The following CREB5 variants were observed in gnomAD, a reference collection of about 807,000 sequenced individuals.
CREB5 encodes the protein cyclic AMP-responsive element-binding protein 5.
Under a neutral mutation model 57.1 loss-of-function variants are expected in CREB5, and 19 were observed. That is an observed-to-expected ratio of 0.33 (90% CI 0.23 to 0.49). CREB5 has a LOEUF of 0.49. Among genes scored for constraint, CREB5 ranks in the 20% least tolerant of loss-of-function variants. The pLI, the probability that CREB5 is intolerant of heterozygous loss-of-function variation, is 0.99. For missense variants in CREB5, 579 were observed against 671.6 expected (o/e 0.86, Z 1.52); for synonymous variants, 238 against 238.3 (o/e 1.00, Z 0.01).
chr7:28,646,595 C>T (rs1617611), intron 5 of CREB5, among the ~76,000 whole-genome samples: 4,177 of 152,120 alleles, frequency 0.027, 92 homozygotes, highest in Non-Finnish European at 0.039. Flanking sequence ...GAGATAGTGC[C>T]GGTTACCATG....
At chr7:28,756,910 T>G (rs780860330) in intron 7 of CREB5, among the ~76,000 whole-genome samples, 92 of 152,144 alleles carry the variant, frequency 6.0e-4, no homozygotes, top group Non-Finnish European at 1.2e-3. Flanking sequence ...TGGTTACAAT[T>G]TGTTGGATGA....
chr7:28,644,967 A>C (rs1798834472), intron 5 of CREB5, among the ~76,000 whole-genome samples: 1 of 152,136 alleles, frequency 6.6e-6, no homozygotes, highest in Non-Finnish European at 1.5e-5. Context: ...CACAGATGGA[A>C]ACTCTTGGCC....
At chr7:28,462,867 T>C (rs1315913829) in intron 1 of CREB5, among the ~76,000 whole-genome samples, 1 of 152,092 alleles carries the variant, frequency 6.6e-6, no homozygotes, top group Non-Finnish European at 1.5e-5. Flanking sequence ...ATTCTGTGGG[T>C]TTTCTTTTCA....
At chr7:28,636,564 A>G (rs1275600660) in intron 5 of CREB5, among the ~76,000 whole-genome samples, 1 of 152,078 alleles carries the variant, frequency 6.6e-6, no homozygotes, top group African/African-American at 2.4e-5. Context: ...TCCCTTTCCT[A>G]CACTGTAAAC....
At chr7:28,781,464 A>G (rs543036047) in intron 7 of CREB5, among the ~76,000 whole-genome samples, 1 of 152,300 alleles carries the variant, frequency 6.6e-6, no homozygotes, top group African/African-American at 2.4e-5. Context: ...TGAAATGTAA[A>G]ATTTGTGTTC....
chr7:28,478,018 A>G (rs1307277962), intron 1 of CREB5, among the ~76,000 whole-genome samples: 2 of 152,038 alleles, frequency 1.3e-5, no homozygotes, highest in Admixed American at 1.3e-4. Flanking sequence ...TGAGAGGCTG[A>G]GGTGGGAGGG....
chr7:28,405,848 A>G (rs1307559876), intron 1 of CREB5, among the ~76,000 whole-genome samples: 2 of 152,036 alleles, frequency 1.3e-5, no homozygotes, highest in African/African-American at 4.8e-5. Flanking sequence ...CACTCAAAGG[A>G]TGTGTGTGTG....
Position 28,782,497 on chromosome 7 carries a change from A to G in CREB5, c.703-21702A>G, listed in dbSNP as rs142009030. On this transcript the variant is annotated intron_variant, in intron 7 of 10. Coordinates refer to ENST00000357727, the MANE Select transcript of CREB5 (RefSeq NM_182898.4). ...AAGCTGATCTGAAAATAAAAAGAAG[A>G]AATGAAAGAAATACTAGCACATCAC... is the stretch of plus-strand genomic sequence containing the variant. Among the ~76,000 whole-genome samples, 662 of 152,354 alleles carry G rather than the reference A, an allele frequency of 4.3e-3. 4 individuals are homozygous for G. The highest frequency in any genetic ancestry group is 7.3e-3 in the East Asian group (38 of 5,194).
intron 4 of CREB5, among the ~76,000 whole-genome samples, chr7:28,523,545 T>G (rs1295700452): frequency 6.6e-6 from 1 of 152,214 alleles, no homozygotes; most frequent in African/African-American, 2.4e-5. Context: ...GCATTGGTGG[T>G]GGCTACTCAG....
intron 1 of CREB5, among the ~76,000 whole-genome samples, chr7:28,468,466 G>A (rs564968832): frequency 1.1e-4 from 17 of 152,350 alleles, no homozygotes; most frequent in South Asian, 4.1e-4. Flanking sequence ...GACATGGAAC[G>A]TGGCATCTTA....
intron 4 of CREB5, among the ~76,000 whole-genome samples, chr7:28,569,744 G>A (rs946543772): frequency 2.6e-5 from 4 of 152,168 alleles, no homozygotes; most frequent in African/African-American, 9.7e-5. Context: ...TGTGAGAGAT[G>A]GATTTTATGA....
chr7:28,692,570 T>C (rs1276237748), intron 5 of CREB5, among the ~76,000 whole-genome samples: 1 of 152,170 alleles, frequency 6.6e-6, no homozygotes, highest in Non-Finnish European at 1.5e-5. Context: ...CCACTTCACC[T>C]CTCTGTGCCA....
intron 7 of CREB5, among the ~76,000 whole-genome samples, chr7:28,785,014 A>G (rs1807231605): frequency 6.6e-6 from 1 of 152,216 alleles, no homozygotes; most frequent in East Asian, 1.9e-4. Flanking sequence ...GCCATTCTTC[A>G]GCATTGTTCG....
intron 4 of CREB5, among the ~76,000 whole-genome samples, chr7:28,524,536 G>A (rs916547673): frequency 6.6e-6 from 1 of 152,112 alleles, no homozygotes; most frequent in East Asian, 1.9e-4. Flanking sequence ...ATTCATGAAA[G>A]AGCTAGAATT....
chr7:28,533,485 A>T (rs1417384982), intron 4 of CREB5, among the ~76,000 whole-genome samples: 1 of 152,226 alleles, frequency 6.6e-6, no homozygotes, highest in Non-Finnish European at 1.5e-5. Flanking sequence ...CTTTGCATGG[A>T]GACACTGACT....
At position 28,448,234 on chromosome 7, in the gene CREB5, T is replaced by C. The variant is rs370559277; in HGVS notation, c.3+35317T>C. ...AGTTCTTCACTTTTGGGACTCAGAC[T>C]GGCTCTCCTTGCTCAGCAGCTTGCA... is the stretch of plus-strand genomic sequence containing the variant. On this transcript the variant is annotated intron_variant, in intron 1 of 10. Transcript: ENST00000357727. Among the ~76,000 whole-genome samples, 918 of 152,354 alleles carry C rather than the reference T, an allele frequency of 6.0e-3. 6 individuals carry two copies. Among genetic ancestry groups the C allele is most frequent in the Non-Finnish European group, 0.01 (704 of 68,028 alleles).
intron 1 of CREB5, among the ~76,000 whole-genome samples, chr7:28,319,471 A>G (rs190334546): frequency 1.3e-5 from 2 of 152,240 alleles, no homozygotes; most frequent in African/African-American, 4.8e-5. Flanking sequence ...TAGTGGAAGT[A>G]TTTTCTTTGT....
At chr7:28,657,717 G>GATA (rs1799388740) in intron 5 of CREB5, among the ~76,000 whole-genome samples, 1 of 54,028 alleles carries the variant, frequency 1.9e-5, no homozygotes, top group South Asian at 7.9e-4. Flanking sequence ...ACTCTCTCTC[G>GATA]AAAAAAAAAA....
Position 28,302,622 on chromosome 7 carries a change from A to G in CREB5, c.-25+3181A>G, listed in dbSNP as rs62449644. ...TCCAAAGTCCCAGAAAGGAGGATTT[A>G]GGGTGTGATGTGCTGGGGCCAAAAG... On this transcript the variant is annotated intron_variant, in intron 1 of 9. Transcript: ENST00000396299. Among the ~76,000 whole-genome samples the G allele has an allele frequency of 3.7e-3, 564 of 152,296 alleles. 1 individual carries two copies. Among genetic ancestry groups the G allele is most frequent in the Admixed American group, 5.8e-3 (88 of 15,292 alleles).
Sources: gnomAD v4.1 joint callset for allele counts (sites outside exome capture counted in the v4.1 genomes callset) on GRCh38, gnomAD v4.1.1 for gene constraint, MANE v1.5 for transcripts, NCBI Gene and HGNC (gene_info 2026-07-23, HGNC 2026-07-21) for gene names.